Variants in TUB observed in about 807,000 individuals in gnomAD.
TUB encodes TUB bipartite transcription factor, also known as tubby protein homolog.
TUB carries 33 observed loss-of-function variants against 59.7 expected under a neutral mutation model. That is an observed-to-expected ratio of 0.55 (90% confidence interval 0.42 to 0.74). TUB has a LOEUF of 0.74. Ranked by LOEUF, TUB falls within the 30% of genes least tolerant of loss-of-function variation. The pLI, the probability that TUB is intolerant of heterozygous loss-of-function variation, is 0.00. For missense variants in TUB, 659 were observed against 672.0 expected (o/e 0.98, Z 0.21); for synonymous variants, 293 against 256.4 (o/e 1.14, Z -1.36).
At position 8,030,784 on chromosome 11, in the gene TUB, C is replaced by T. The variant is rs534924555; in HGVS notation, c.56+11426C>T. ...GCTTTGGAGTCAGGGAGGGCTGGCA[C>T]CAGGATAACAGCAGCCTAGGATTAT... On this transcript the variant is annotated intron_variant, in intron 1 of 11. Coordinates refer to the TUB transcript ENST00000534099. Among the ~76,000 whole-genome samples, 448 of 152,212 alleles carry T rather than the reference C, an allele frequency of 2.9e-3. 5 individuals carry two copies. Among genetic ancestry groups the T allele is most frequent in the Non-Finnish European group, 5.0e-3 (340 of 67,996 alleles).
chr11:8,021,672 T>C (rs1942429428), intron 1 of TUB, among the ~76,000 whole-genome samples: 1 of 151,912 alleles, frequency 6.6e-6, no homozygotes, highest in African/African-American at 2.4e-5. Context: ...TCCCAACACT[T>C]TGGGAGGCTG....
At chr11:8,095,282 T>C (rs187516462) in intron 4 of TUB, among the ~76,000 whole-genome samples, 1 of 152,310 alleles carries the variant, frequency 6.6e-6, no homozygotes, top group East Asian at 1.9e-4. Context: ...GCAATTAATT[T>C]GGGGGAAGAG....
At chr11:8,058,168 C>T (rs981289422) in intron 2 of TUB, among the ~76,000 whole-genome samples, 1 of 149,166 alleles carries the variant, frequency 6.7e-6, no homozygotes, top group Non-Finnish European at 1.5e-5. Flanking sequence ...GCCGAGATCA[C>T]ACCACTGCAC....
At chr11:8,093,462 T>C (rs150965957) in intron 3 of TUB, among the ~76,000 whole-genome samples, 283 of 152,248 alleles carry the variant, frequency 1.9e-3, no homozygotes, top group Non-Finnish European at 2.8e-3. Context: ...TTGAGCAGAT[T>C]GGGGTTCTGC....
At chr11:8,082,652 G>C (rs1297851081) in intron 1 of TUB, among the ~76,000 whole-genome samples, 2 of 152,208 alleles carry the variant, frequency 1.3e-5, no homozygotes, top group African/African-American at 4.8e-5. Flanking sequence ...CTCTCTGTTA[G>C]AGCCTCATAC....
chr11:8,098,493 TA>T (rs1448147007), intron 8 of TUB, among the ~76,000 whole-genome samples: 3 of 152,166 alleles, frequency 2.0e-5, no homozygotes, highest in Non-Finnish European at 4.4e-5. Flanking sequence ...TTCCCCCAGA[TA>T]AATCTTCTGA....
intron 1 of TUB, among the ~76,000 whole-genome samples, chr11:8,029,413 G>C (rs994232427): frequency 2.4e-4 from 32 of 133,504 alleles, no homozygotes; most frequent in Non-Finnish European, 4.0e-4. Flanking sequence ...TTTTGAGACA[G>C]AGTCTCGCTC....
intron 2 of TUB, among the ~76,000 whole-genome samples, chr11:8,053,581 A>C (rs1942966464): frequency 1.3e-5 from 2 of 151,526 alleles, no homozygotes; most frequent in Admixed American, 6.6e-5. Flanking sequence ...GCTCACTGCA[A>C]GCTCCGCCTC....
At chr11:8,070,079 G>A (rs952094556) in intron 2 of TUB, among the ~76,000 whole-genome samples, 1 of 152,170 alleles carries the variant, frequency 6.6e-6, no homozygotes, top group Non-Finnish European at 1.5e-5. Flanking sequence ...CAGAGCCCAC[G>A]TTCACAAACC....
Position 8,096,467 on chromosome 11 carries a change from ATG to A in TUB, c.566-212_566-211del, listed in dbSNP as rs2133869811. Among the ~76,000 whole-genome samples, 3 of 152,268 alleles carry A rather than the reference ATG, an allele frequency of 2.0e-5. No individual in the cohort carries two copies. The East Asian group carries it at 5.8e-4, about 29-fold the overall frequency. The stretch of plus-strand genomic sequence containing the variant: ...TGAGGATTGTGGCCAGCCCCGGCTC[ATG>A]TGTGTACCTGAGAGAATATCCTTTT... On this transcript the variant is annotated intron_variant, in intron 5 of 11. Transcript: ENST00000299506.
chr11:8,050,824 A>G (rs758785883), intron 2 of TUB, among the ~76,000 whole-genome samples: 48 of 152,178 alleles, frequency 3.2e-4, no homozygotes, highest in Non-Finnish European at 4.7e-4. Flanking sequence ...CTTTTTTCCT[A>G]TGCTTTCAAT....
upstream of TUB, among the ~76,000 whole-genome samples, chr11:8,079,799 A>G (rs1021117360): frequency 2.6e-5 from 4 of 152,002 alleles, no homozygotes; most frequent in African/African-American, 9.7e-5. Context: ...TTGTGTGTGA[A>G]TGCTAGCTTC....
At position 8,106,033 on chromosome 11, in the gene TUB, G is replaced by C. The variant is rs950602204; in HGVS notation, c.*4414G>C. 3 of 151,842 alleles carry C rather than the reference G, an allele frequency of 2.0e-5. No homozygotes were observed. The highest frequency in any genetic ancestry group is 4.4e-5 in the Non-Finnish European group (3 of 67,692). 9.4% of individuals were successfully genotyped at this position (151,842 alleles called of 1,614,324 possible). ...GGTCAGACATTTTATTTTTGTTCAA[G>C]ATTATCTGGCGTTTTAGACAAATTT... On this transcript the variant is annotated 3_prime_UTR_variant, in exon 12 of 12. Transcript: ENST00000299506.
chr11:8,092,298 G>A (rs183954819), intron 3 of TUB, among the ~76,000 whole-genome samples: 14 of 152,234 alleles, frequency 9.2e-5, no homozygotes, highest in Admixed American at 8.5e-4. Context: ...GCAGGGTGTG[G>A]TGACACCTGC....
chr11:8,051,214 T>G (rs1448135971), intron 2 of TUB, among the ~76,000 whole-genome samples: 1 of 152,258 alleles, frequency 6.6e-6, no homozygotes, highest in Non-Finnish European at 1.5e-5. Flanking sequence ...AGTATGAGTT[T>G]GTTCACAAGT....
intron 2 of TUB, among the ~76,000 whole-genome samples, chr11:8,051,884 T>G (rs1408622014): frequency 6.6e-6 from 1 of 152,244 alleles, no homozygotes; most frequent in Non-Finnish European, 1.5e-5. Flanking sequence ...ATAGCTTTAT[T>G]TGCCCCAAAT....
intron 1 of TUB, 57 bp downstream of exon 1, chr11:8,081,605 TG>T: frequency 6.8e-7 from 1 of 1,460,942 alleles, no homozygotes. Flanking sequence ...GTGAGCTGGC[TG>T]GGGATACGCG....
chr11:8,097,589 T>TTG, intron 7 of TUB, 125 bp from the exon 8 acceptor site: 1 of 1,301,658 alleles, frequency 7.7e-7, no homozygotes, highest in Non-Finnish European at 1.1e-6. Context: ...TCCAGTGCAT[T>TTG]TGTGTGTGTG....
chr11:8,074,212 A>T (rs1032987988), intron 2 of TUB, among the ~76,000 whole-genome samples: 2 of 151,874 alleles, frequency 1.3e-5, no homozygotes, highest in South Asian at 4.2e-4. Flanking sequence ...AGGAGGTCTT[A>T]GGGGCCAAAG....
Sources: allele counts gnomAD v4.1 joint callset (sites outside exome capture counted in the v4.1 genomes callset), GRCh38; gene constraint gnomAD v4.1.1; transcripts MANE v1.5; gene names NCBI Gene and HGNC (gene_info 2026-07-23, HGNC 2026-07-21).